Variants in NFILZ observed in about 807,000 individuals in gnomAD.
NFILZ encodes NFIL3 like protein.
chr19:8,672,261 ATTAGT>A (rs1263994856), intron 3 of NFILZ, among the ~76,000 whole-genome samples: 2 of 152,110 alleles, frequency 1.3e-5, no homozygotes, highest in African/African-American at 4.8e-5. Context: ...CCAGGCATTT[ATTAGT>A]TTATTCAAAA....
chr19:8,643,520 G>T (rs1477301721), intron 3 of NFILZ, among the ~76,000 whole-genome samples: 1 of 152,216 alleles, frequency 6.6e-6, no homozygotes, highest in African/African-American at 2.4e-5. Context: ...GAGAAAAGCA[G>T]ATGGTGCTCC....
At position 8,680,403 on chromosome 19, in the gene NFILZ, G is replaced by A. The variant is rs1008411586; in HGVS notation, c.*2768G>A. ...CATTGTTTCATTTTATTCAAGGCAT[G>A]TTTTGTTGTAAAAAGTCTGAAAATC... On this transcript the variant is annotated 3_prime_UTR_variant, in exon 6 of 6. Coordinates refer to ENST00000691075, the MANE Select transcript of NFILZ (RefSeq NM_001378600.1). Among the ~76,000 whole-genome samples, 3 of 145,418 alleles carry A rather than the reference G, an allele frequency of 2.1e-5. No individual in the cohort carries two copies. The highest frequency in any genetic ancestry group is 3.0e-5 in the Non-Finnish European group (2 of 67,480).
intron 3 of NFILZ, among the ~76,000 whole-genome samples, chr19:8,671,362 A>G (rs565019196): frequency 2.6e-5 from 4 of 151,852 alleles, no homozygotes; most frequent in African/African-American, 9.7e-5. Context: ...CAGCAGAACT[A>G]TCTGCTGCCC....
chr19:8,632,112 A>C (rs2042872843), intron 1 of NFILZ, among the ~76,000 whole-genome samples: 1 of 151,896 alleles, frequency 6.6e-6, no homozygotes, highest in African/African-American at 2.4e-5. Context: ...CAGGTGATCC[A>C]CCTGCCTTGG....
intron 3 of NFILZ, among the ~76,000 whole-genome samples, chr19:8,667,828 G>C (rs1291594317): frequency 1.3e-5 from 2 of 152,128 alleles, no homozygotes; most frequent in Admixed American, 6.5e-5. Flanking sequence ...TTATAGGCGT[G>C]AGCCACAGTG....
intron 3 of NFILZ, among the ~76,000 whole-genome samples, chr19:8,649,615 C>T (rs1041269454): frequency 2.0e-5 from 3 of 152,024 alleles, no homozygotes; most frequent in Admixed American, 6.6e-5. Context: ...CCTGTCTTGC[C>T]GGCTCTGCTG....
intron 2 of NFILZ, among the ~76,000 whole-genome samples, chr19:8,633,221 C>T (rs893993906): frequency 3.3e-5 from 5 of 152,132 alleles, no homozygotes; most frequent in East Asian, 1.9e-4. Flanking sequence ...GGGGTTTTAC[C>T]GTGTTGGCCA....
chr19:8,676,267 C>A (rs1222728482), intron 4 of NFILZ, among the ~76,000 whole-genome samples, 92 bp from the exon 5 acceptor site: 1 of 152,170 alleles, frequency 6.6e-6, no homozygotes, highest in African/African-American at 2.4e-5. Context: ...TCTTGGGGTA[C>A]AATCTGGGCA....
rs2043130864 is a variant in NFILZ, at chr19:8,678,735, T to G, written c.*1100T>G. Among the ~76,000 whole-genome samples the G allele has an allele frequency of 6.6e-6, 1 of 152,234 alleles. No individual in the cohort carries two copies. The highest frequency in any genetic ancestry group is 2.1e-4 in the South Asian group (1 of 4,832). On this transcript the variant is annotated 3_prime_UTR_variant, in exon 6 of 6. Coordinates refer to ENST00000691075, the MANE Select transcript of NFILZ (RefSeq NM_001378600.1). ...TCCATCCTTTCATTCATTTATTCAT[T>G]TAGCCACTCATTTATGTGCTAACTT...
chr19:8,652,773 C>T (rs1568420264), intron 3 of NFILZ, among the ~76,000 whole-genome samples: 1 of 151,546 alleles, frequency 6.6e-6, no homozygotes, highest in African/African-American at 2.4e-5. Context: ...TTCTTTTTTT[C>T]CTTTCTTTCT....
At chr19:8,664,497 G>C (rs1166989833) in intron 3 of NFILZ, among the ~76,000 whole-genome samples, 1 of 152,096 alleles carries the variant, frequency 6.6e-6, no homozygotes, top group Non-Finnish European at 1.5e-5. Context: ...GGGGAGGGCG[G>C]GCCACGGCTC....
intron 3 of NFILZ, among the ~76,000 whole-genome samples, chr19:8,636,529 C>G (rs1238027608): frequency 1.1e-4 from 16 of 148,614 alleles, no homozygotes; most frequent in African/African-American, 3.9e-4. Flanking sequence ...ACCGCAACCT[C>G]TGCCTCCTGG....
chr19:8,651,232 G>A (rs1265064068), intron 3 of NFILZ, among the ~76,000 whole-genome samples: 1 of 152,010 alleles, frequency 6.6e-6, no homozygotes, highest in Non-Finnish European at 1.5e-5. Context: ...AGTGATCTCA[G>A]CTCACTGCAA....
chr19:8,654,551 G>T (rs2042983814), intron 3 of NFILZ, among the ~76,000 whole-genome samples: 3 of 152,076 alleles, frequency 2.0e-5, no homozygotes. Context: ...GGAGGTCGAG[G>T]CTGCAGTGAG....
chr19:8,638,273 G>T (rs1328299203), intron 3 of NFILZ, among the ~76,000 whole-genome samples: 1 of 152,172 alleles, frequency 6.6e-6, no homozygotes, highest in African/African-American at 2.4e-5. Flanking sequence ...TATCCTGTTG[G>T]TGGTGGAATT....
chr19:8,638,844 GT>G (rs541846743), intron 3 of NFILZ, among the ~76,000 whole-genome samples: 5,054 of 135,552 alleles, frequency 0.037, 184 homozygotes, highest in East Asian at 0.15. Context: ...TTACTTTGCT[GT>G]TTTTTTTTTT....
At chr19:8,654,011 C>CTGTT (rs2042980830) in intron 3 of NFILZ, among the ~76,000 whole-genome samples, 1 of 151,892 alleles carries the variant, frequency 6.6e-6, no homozygotes, top group African/African-American at 2.4e-5. Context: ...GGTGGATCAC[C>CTGTT]TGAGGTCAGG....
intron 3 of NFILZ, among the ~76,000 whole-genome samples, chr19:8,654,668 G>T (rs1555748139): frequency 6.6e-6 from 1 of 152,120 alleles, no homozygotes; most frequent in African/African-American, 2.4e-5. Context: ...AAAAGAAAAA[G>T]AAAAAGAAAT....
chr19:8,670,509 A>G (rs2043081652), intron 3 of NFILZ, among the ~76,000 whole-genome samples: 3 of 152,228 alleles, frequency 2.0e-5, no homozygotes, highest in Admixed American at 2.0e-4. Flanking sequence ...TGAGTGAGTG[A>G]ATGAATGAAT....
Sources: allele counts gnomAD v4.1 joint callset (sites outside exome capture counted in the v4.1 genomes callset), GRCh38; gene constraint gnomAD v4.1.1; transcripts MANE v1.5; gene names NCBI Gene and HGNC (gene_info 2026-07-23, HGNC 2026-07-21).